The following FMN1 variants were observed in gnomAD, a reference collection of about 807,000 sequenced individuals.
FMN1 encodes the protein formin 1, also known as formin-1.
In FMN1, 110 loss-of-function variants were observed where a neutral mutation model predicts 132.4. That is an observed-to-expected ratio of 0.83 (90% CI 0.71 to 0.97). The LOEUF is 0.97. Ranked by LOEUF, FMN1 falls within the 50% of genes least tolerant of loss-of-function variation. FMN1 has a pLI of 0.00. For synonymous variants in FMN1, 722 were observed against 651.7 expected (o/e 1.11, Z -1.64); for missense variants, 1,792 against 1,705.3 (o/e 1.05, Z -0.90).
intron 6 of FMN1, among the ~76,000 whole-genome samples, chr15:33,028,476 C>T (rs1265787235): frequency 6.6e-6 from 1 of 150,816 alleles, no homozygotes; most frequent in Non-Finnish European, 1.5e-5. Context: ...GGAAATAATG[C>T]TCAAATGCTG....
At chr15:32,928,492 C>T (rs760462110) in intron 9 of FMN1, among the ~76,000 whole-genome samples, 3 of 152,160 alleles carry the variant, frequency 2.0e-5, no homozygotes, top group African/African-American at 4.8e-5. Flanking sequence ...TTACTGTACA[C>T]GTTACATGTG....
At chr15:32,984,727 G>A (rs1447314914) in intron 7 of FMN1, among the ~76,000 whole-genome samples, 2 of 152,178 alleles carry the variant, frequency 1.3e-5, no homozygotes, top group South Asian at 4.1e-4. Context: ...TGAACACATT[G>A]TGGCTAAGTG....
intron 19 of FMN1, among the ~76,000 whole-genome samples, chr15:32,780,340 A>T (rs1409175340): frequency 6.6e-6 from 1 of 152,206 alleles, no homozygotes; most frequent in Admixed American, 6.5e-5. Context: ...CAAACTCTCC[A>T]AAACCAAGAT....
At chr15:33,029,349 A>C (rs901976625) in intron 6 of FMN1, among the ~76,000 whole-genome samples, 27 of 152,142 alleles carry the variant, frequency 1.8e-4, no homozygotes, top group Admixed American at 9.2e-4. Flanking sequence ...AAGCCTCTTT[A>C]TGGCTTTTAA....
intron 6 of FMN1, among the ~76,000 whole-genome samples, chr15:33,054,501 T>C (rs921694740): frequency 5.9e-5 from 9 of 152,228 alleles, no homozygotes; most frequent in African/African-American, 2.2e-4. Flanking sequence ...AACTGGTTCC[T>C]GTAAGAAAAG....
intron 16 of FMN1, among the ~76,000 whole-genome samples, chr15:32,866,711 A>G (rs1296598472): frequency 6.6e-6 from 1 of 152,152 alleles, no homozygotes; most frequent in East Asian, 1.9e-4. Flanking sequence ...CTTCCTCCCC[A>G]TTGTGACACT....
chr15:32,816,046 ATTAG>A (rs2058049690), intron 17 of FMN1, among the ~76,000 whole-genome samples: 1 of 152,224 alleles, frequency 6.6e-6, no homozygotes, highest in Non-Finnish European at 1.5e-5. Context: ...CACCTGGCAC[ATTAG>A]TTAAGTAAAT....
At chr15:32,997,839 G>A (rs1244331719) in intron 7 of FMN1, among the ~76,000 whole-genome samples, 1 of 152,076 alleles carries the variant, frequency 6.6e-6, no homozygotes, top group East Asian at 1.9e-4. Context: ...AAGGACAGAA[G>A]AGAGGAAGAA....
chr15:32,970,075 G>C (rs60847748), intron 7 of FMN1, among the ~76,000 whole-genome samples: 30,796 of 152,038 alleles, frequency 0.2, 5,484 homozygotes, highest in African/African-American at 0.48. Context: ...AATAAATAAG[G>C]AACAGAGAAC....
At chr15:32,947,756 C>T (rs992650689) in intron 9 of FMN1, among the ~76,000 whole-genome samples, 4 of 151,950 alleles carry the variant, frequency 2.6e-5, no homozygotes, top group Non-Finnish European at 5.9e-5. Context: ...TTTTATGTCC[C>T]TCTAATGGTA....
At chr15:33,075,020 CAAAA>C (rs57504432) in intron 5 of FMN1, among the ~76,000 whole-genome samples, 5,461 of 60,558 alleles carry the variant, frequency 0.09, 161 homozygotes, top group East Asian at 0.36. Flanking sequence ...GATTCCATCT[CAAAA>C]AAAAAAAAAA....
chr15:32,837,356 A>T (rs977414434), intron 17 of FMN1: 1 of 160,278 alleles, frequency 6.2e-6, no homozygotes, highest in Admixed American at 6.4e-5. Context: ...TGGTGGCGAC[A>T]TAAGGGTTCT....
intron 18 of FMN1, among the ~76,000 whole-genome samples, chr15:32,802,073 G>A (rs184832191): frequency 4.6e-5 from 7 of 152,304 alleles, no homozygotes; most frequent in Non-Finnish European, 8.8e-5. Flanking sequence ...CATGCGATTT[G>A]AAATTTCTAT....
chr15:32,996,896 A>G (rs1383479061), intron 7 of FMN1, among the ~76,000 whole-genome samples: 2 of 152,204 alleles, frequency 1.3e-5, no homozygotes, highest in Non-Finnish European at 2.9e-5. Flanking sequence ...TTAAGGAATC[A>G]GCAGTGTTGG....
At chr15:33,146,101 G>T (rs563233314) in intron 4 of FMN1, among the ~76,000 whole-genome samples, 1 of 151,422 alleles carries the variant, frequency 6.6e-6, no homozygotes, top group East Asian at 2.0e-4. Flanking sequence ...TCAGCCTCCC[G>T]AGTAACTGGG....
At chr15:33,075,257 C>T (rs4780075) in intron 5 of FMN1, among the ~76,000 whole-genome samples, 94,475 of 151,804 alleles carry the variant, frequency 0.62, 30,128 homozygotes, top group East Asian at 0.84. Context: ...TATGTTTTCC[C>T]AGGAAAGGAA....
intron 7 of FMN1, among the ~76,000 whole-genome samples, chr15:32,992,868 G>C (rs1341044478): frequency 6.6e-6 from 1 of 152,156 alleles, no homozygotes; most frequent in Non-Finnish European, 1.5e-5. Flanking sequence ...GGCTCAGAGA[G>C]ATCAATGTAT....
intron 17 of FMN1, among the ~76,000 whole-genome samples, chr15:32,849,148 T>A (rs2058940935): frequency 1.6e-5 from 1 of 61,354 alleles, no homozygotes; most frequent in African/African-American, 5.3e-5. Context: ...CACGCTCAGC[T>A]AATTTTTTTT....
chr15:33,080,347 G>A lies in FMN1; in HGVS notation c.2043+8452C>T, dbSNP rs866730263. Among the ~76,000 whole-genome samples, 18 of 152,328 alleles carry A rather than the reference G, an allele frequency of 1.2e-4. No individual in the cohort carries two copies. In the South Asian group the frequency reaches 2.1e-3, roughly 18 times the overall value. On this transcript the variant is annotated intron_variant, in intron 5 of 20. Coordinates refer to ENST00000616417, the MANE Select transcript of FMN1 (RefSeq NM_001277313.2). The stretch of plus-strand genomic sequence containing the variant: ...AGGACTGAAATCTGCTGGTGTTCCC[G>A]TAACTGAGTGCCTACATTTTAAAGG...
Sources: gnomAD v4.1 joint callset for allele counts (sites outside exome capture counted in the v4.1 genomes callset) on GRCh38, gnomAD v4.1.1 for gene constraint, MANE v1.5 for transcripts, NCBI Gene and HGNC (gene_info 2026-07-23, HGNC 2026-07-21) for gene names.